PIAS1: variants seen among roughly 807,000 people sequenced by gnomAD.
PIAS1 encodes protein inhibitor of activated STAT 1.
A neutral mutation model predicts 71.3 loss-of-function variants in PIAS1; 6 were observed. That is an observed-to-expected ratio of 0.08 (90% CI 0.05 to 0.17). PIAS1 has a LOEUF of 0.17. Among genes scored for constraint, PIAS1 ranks in the 10% least tolerant of loss-of-function variants. The pLI is 1.00. For synonymous variants in PIAS1, 303 were observed against 292.9 expected (o/e 1.03, Z -0.35); for missense variants, 555 against 793.6 (o/e 0.70, Z 3.61).
At chr15:68,134,712 G>T (rs1454136191) in intron 2 of PIAS1, among the ~76,000 whole-genome samples, 1 of 38,602 alleles carries the variant, frequency 2.6e-5, no homozygotes. Context: ...CTGGCCGGGC[G>T]GGGGCTGACC....
At chr15:68,055,403 G>GC in intron 1 of PIAS1, among the ~76,000 whole-genome samples, 1 of 152,158 alleles carries the variant, frequency 6.6e-6, no homozygotes, top group Non-Finnish European at 1.5e-5. Context: ...ATGAAAGGGT[G>GC]CCCCCTTTTC....
intron 1 of PIAS1, among the ~76,000 whole-genome samples, chr15:68,079,323 A>G (rs1391027317): frequency 6.6e-6 from 1 of 152,164 alleles, no homozygotes; most frequent in Non-Finnish European, 1.5e-5. Flanking sequence ...ATTGATCCAA[A>G]AAGCATTTAT....
intron 2 of PIAS1, among the ~76,000 whole-genome samples, chr15:68,130,426 T>A (rs1415015104): frequency 2.0e-5 from 3 of 151,966 alleles, no homozygotes; most frequent in Non-Finnish European, 4.4e-5. Flanking sequence ...ACATTCCAAA[T>A]GTTTTTTTCT....
chr15:68,079,809 A>G (rs2092209628), intron 1 of PIAS1, among the ~76,000 whole-genome samples: 1 of 151,358 alleles, frequency 6.6e-6, no homozygotes, highest in South Asian at 2.1e-4. Context: ...TTGTACTCCA[A>G]TGTTATAACA....
intron 2 of PIAS1, among the ~76,000 whole-genome samples, chr15:68,134,621 A>G (rs867399005): frequency 0.029 from 27 of 944 alleles, 1 homozygote; most frequent in South Asian, 0.17. Flanking sequence ...GCGGGGGGCT[A>G]ACCCCCCCCA....
In PIAS1 at chr15:68,175,754, C is replaced by G. The variant is rs778836361; in HGVS notation, c.1287C>G (p.Tyr429Ter). 1 of 1,605,146 alleles carries G rather than the reference C, an allele frequency of 6.2e-7. No homozygotes were observed. The highest frequency in any genetic ancestry group is 8.5e-7 in the Non-Finnish European group (1 of 1,175,046). ...AAGTACAGGAAGTTTCTGCCTCTTA[C>G]AATGGAGTCGATGGTGAGTAGTTCT... Reference protein sequence around the residue: ...KKEVQEVSASYNGVDGCLSST... With the variant: ...KKEVQEVSAS The change falls in exon 10 of 14, where the codon TAC (tyrosine) becomes TAG (stop). Residue 429 changes from tyrosine to a stop codon, truncating the protein, a stop_gained. Transcript: ENST00000249636. LOFTEE classifies it high-confidence loss of function.
intron 11 of PIAS1, among the ~76,000 whole-genome samples, chr15:68,180,834 G>A (rs772343786): frequency 6.6e-6 from 1 of 152,158 alleles, no homozygotes; most frequent in Non-Finnish European, 1.5e-5. Context: ...CAATACTCTG[G>A]TGTTGTTTTA....
chr15:68,081,025 TTC>T (rs2092223602), intron 1 of PIAS1, among the ~76,000 whole-genome samples: 1 of 152,192 alleles, frequency 6.6e-6, no homozygotes, highest in Admixed American at 6.5e-5. Context: ...AACTGGCACT[TTC>T]TGTTTAGTTG....
chr15:68,155,328 ATACCT>A (rs1211958508), intron 7 of PIAS1, among the ~76,000 whole-genome samples: 3 of 151,982 alleles, frequency 2.0e-5, no homozygotes, highest in African/African-American at 7.2e-5. Flanking sequence ...GTGGAAATTG[ATACCT>A]TACCTTACTT....
chr15:68,186,269 C>T lies in PIAS1; in HGVS notation c.1663-1273C>T, dbSNP rs1444172689. On this transcript the variant is annotated intron_variant, in intron 13 of 13. Transcript: ENST00000249636. This position sits in a 1 kb window ranked among gnomAD's most constrained non-coding sequence, Gnocchi z 4.4. ...AGATGGAAGACAGTGACATCGATGA[C>T]CCTGACCTCCCTGTGTAGGCCTAGG... Among the ~76,000 whole-genome samples the T allele has an allele frequency of 6.6e-6, 1 of 152,090 alleles. No individual in the cohort carries two copies. Among genetic ancestry groups the T allele is most frequent in the Non-Finnish European group, 1.5e-5 (1 of 68,014 alleles).
chr15:68,087,676 C>T (rs1026326965), intron 2 of PIAS1, among the ~76,000 whole-genome samples: 2 of 152,060 alleles, frequency 1.3e-5, no homozygotes, highest in African/African-American at 2.4e-5. Flanking sequence ...AATATTTACC[C>T]GTATAGTAAA....
intron 1 of PIAS1, among the ~76,000 whole-genome samples, chr15:68,056,828 G>A (rs1468272957): frequency 6.6e-6 from 1 of 152,034 alleles, no homozygotes; most frequent in Non-Finnish European, 1.5e-5. Flanking sequence ...ACTCCTTTTG[G>A]AAATGATATT....
chr15:68,116,845 G>A (rs1251204483), intron 2 of PIAS1, among the ~76,000 whole-genome samples: 9 of 152,040 alleles, frequency 5.9e-5, no homozygotes, highest in Non-Finnish European at 1.2e-4. Flanking sequence ...GGGTTATTTA[G>A]AAGTGTAATA....
At chr15:68,161,638 A>G (rs906558031) in intron 7 of PIAS1, among the ~76,000 whole-genome samples, 24 of 152,114 alleles carry the variant, frequency 1.6e-4, no homozygotes, top group Non-Finnish European at 8.8e-5. Flanking sequence ...GGCTATTTTA[A>G]AACTTTTTTT....
chr15:68,173,226 G>GCGC lies in PIAS1; in HGVS notation c.1009-504_1009-502dup, dbSNP rs1296851819. Among the ~76,000 whole-genome samples, 1 of 152,142 alleles carries GCGC rather than the reference G, an allele frequency of 6.6e-6. No individual in the cohort carries two copies. Among genetic ancestry groups the GCGC allele is most frequent in the Admixed American group, 6.6e-5 (1 of 15,264 alleles). Reference sequence around the variant, plus strand: ...TGAGAAAAGCCGGGCACAGTGGTGTGCGCCTGTATCCCCAGCTACTCTGGA... The same window carrying GCGC: ...TGAGAAAAGCCGGGCACAGTGGTGTGCGCCGCCTGTATCCCCAGCTACTCTGGA... On this transcript the variant is annotated intron_variant, in intron 8 of 13. Coordinates refer to ENST00000249636, the MANE Select transcript of PIAS1 (RefSeq NM_016166.3). This position sits in a 1 kb window ranked among gnomAD's most constrained non-coding sequence, Gnocchi z 4.3.
chr15:68,084,111 C>T (rs111554853), intron 1 of PIAS1, among the ~76,000 whole-genome samples: 2 of 152,136 alleles, frequency 1.3e-5, no homozygotes, highest in African/African-American at 2.4e-5. Context: ...ATCTGCATTG[C>T]ATCTGAATCT....
chr15:68,059,756 T>C (rs2140952214), intron 1 of PIAS1, among the ~76,000 whole-genome samples: 1 of 152,130 alleles, frequency 6.6e-6, no homozygotes, highest in East Asian at 1.9e-4. Flanking sequence ...GTTTATTTTA[T>C]TTTTGTAGAG....
At chr15:68,183,271 A>C (rs28617765) in intron 12 of PIAS1, among the ~76,000 whole-genome samples, 1,696 of 152,318 alleles carry the variant, frequency 0.011, 30 homozygotes, top group African/African-American at 0.039. Context: ...TACATACCTC[A>C]TGAAGTGCTT....
rs903279183 is a variant in PIAS1 at position 68,191,443 on chromosome 15, T to C, written c.*3608T>C. ...TTTATGTAGAGCTCTTTAGATGTAA[T>C]AAAAGAAAAGCCTTCAGTTAATTTG... On this transcript the variant is annotated 3_prime_UTR_variant, in exon 14 of 14. Transcript: ENST00000249636. 6.6e-6 allele frequency: 1 copy of C among 152,628 alleles called. No individual in the cohort carries two copies. Among genetic ancestry groups the C allele is most frequent in the African/African-American group, 2.4e-5 (1 of 41,444 alleles). 9.5% of individuals were successfully genotyped at this position (152,628 alleles called of 1,614,324 possible). A position where few individuals can be genotyped will look rare whatever the true frequency, so the allele number is the denominator to read the frequency against.
Sources: gnomAD v4.1 joint callset for allele counts (sites outside exome capture counted in the v4.1 genomes callset) on GRCh38, gnomAD v4.1.1 for gene constraint, Gnocchi (gnomAD v3.1) non-coding constraint, MANE v1.5 for transcripts, NCBI Gene and HGNC (gene_info 2026-07-23, HGNC 2026-07-21) for gene names.